The following TRIM10 variants were observed in gnomAD, a reference collection of about 807,000 sequenced individuals.
TRIM10 encodes the protein tripartite motif-containing protein 10.
TRIM10 carries 42 observed loss-of-function variants against 40.0 expected under a neutral mutation model. The observed-to-expected ratio is 1.05, with a 90% CI of 0.82 to 1.36. The LOEUF (loss-of-function observed/expected upper bound fraction) is 1.36. TRIM10 is among the 40% of genes most tolerant of loss of function. The probability of loss-of-function intolerance (pLI) is 0.00; values close to 1 mark genes in which losing one functional copy is unlikely to be tolerated. For synonymous variants in TRIM10, 260 were observed against 239.5 expected, an observed-to-expected ratio of 1.09 and a Z score of -0.79; for missense variants, 601 against 608.3, an observed-to-expected ratio of 0.99 and a Z score of 0.13.
upstream of TRIM10, chr6:30,163,910 G>C: frequency 6.2e-7 from 1 of 1,613,098 alleles, no homozygotes. Flanking sequence ...TGTGCCCCTG[G>C]GCCCGCTGGG....
At chr6:30,159,313 C>T in intron 1 of TRIM10, 68 bp from the exon 2 acceptor site, 4 of 1,118,754 alleles carry the variant, frequency 3.6e-6, no homozygotes, top group Non-Finnish European at 5.4e-6. Context: ...GGTCATCTGA[C>T]CCTCTGCCTC....
Position 30,156,921 on chromosome 6 carries a change from G to T in TRIM10, c.895+18C>A. ...TTCATGGCCACCTGCGCTCTGTGGA[G>T]GCCTGGGGTTCTCTTACCCAGAAAC... On this transcript the variant is annotated intron_variant, in intron 5 of 6. Coordinates refer to ENST00000449742, the MANE Select transcript of TRIM10 (RefSeq NM_006778.4). 6.2e-7 allele frequency: 1 copy of T among 1,609,616 alleles called. No homozygotes were observed. Among genetic ancestry groups the T allele is most frequent in the Non-Finnish European group, 8.5e-7 (1 of 1,176,974 alleles).
At chr6:30,160,059 C>T (rs192631351) in intron 1 of TRIM10, among the ~76,000 whole-genome samples, 87 of 152,322 alleles carry the variant, frequency 5.7e-4, no homozygotes, top group African/African-American at 2.0e-3. Flanking sequence ...CCCATCCAAA[C>T]ACACCAGACA....
rs1234694045 is a variant in TRIM10 at position 30,159,253 on chromosome 6, G to A, written c.430-8C>T. The A allele has an allele frequency of 6.4e-7, 1 of 1,558,778 alleles. No homozygotes were observed. The highest frequency in any genetic ancestry group is 1.4e-5 in the African/African-American group (1 of 73,764). On this transcript the variant is annotated splice_region_variant and splice_polypyrimidine_tract_variant and intron_variant, in intron 1 of 6. Coordinates refer to ENST00000449742, the MANE Select transcript of TRIM10 (RefSeq NM_006778.4). ...ACACTTATGGATTTGTTCCTGGGGAGAAGGAACATAAAATACTCAAGATGG... is the reference window on the plus strand; with the variant it reads ...ACACTTATGGATTTGTTCCTGGGGAAAAGGAACATAAAATACTCAAGATGG...
intron 1 of TRIM10, among the ~76,000 whole-genome samples, chr6:30,159,511 T>C (rs114888523): frequency 0.027 from 4,114 of 152,306 alleles, 94 homozygotes; most frequent in Middle Eastern, 0.051. Context: ...ACTTGAGTCT[T>C]TCTTCAGGTT....
upstream of TRIM10, chr6:30,163,978 C>G: frequency 6.2e-7 from 1 of 1,613,136 alleles, no homozygotes; most frequent in Non-Finnish European, 8.5e-7. Flanking sequence ...AGAACGATGC[C>G]GAGTTCCTCT....
At chr6:30,156,525 G>C (rs1366053277) in intron 5 of TRIM10, among the ~76,000 whole-genome samples, 2 of 152,152 alleles carry the variant, frequency 1.3e-5, no homozygotes, top group Non-Finnish European at 2.9e-5. Context: ...GGAGGGACGA[G>C]CCAGATACCA....
Position 30,153,345 on chromosome 6 carries a change from C to G in TRIM10, c.*624G>C, listed in dbSNP as rs1193543076. 7.5e-6 allele frequency: 2 copies of G among 265,136 alleles called. No individual in the cohort carries two copies. Among genetic ancestry groups the G allele is most frequent in the African/African-American group, 4.4e-5 (2 of 45,718 alleles). The allele number at this position is 265,136 out of a possible 1,614,324, so 16.4% of individuals were successfully genotyped here. A position where few individuals can be genotyped will look rare whatever the true frequency, so the allele number is the denominator to read the frequency against. ...CCTCTCCTTCCAGGCTGGGCTATGC[C>G]CCTTCCCCTGAACTCCCATAATGCT... On this transcript the variant is annotated 3_prime_UTR_variant, in exon 7 of 7. Transcript: ENST00000449742.
chr6:30,163,371 G>A, upstream of TRIM10: 2 of 476,332 alleles, frequency 4.2e-6, no homozygotes, highest in East Asian at 7.3e-5. Context: ...TCCACCCTAG[G>A]GACCAGAAGG....
At chr6:30,163,250 CCCACCT>C, upstream of TRIM10, 1 of 184,986 alleles carries the variant, frequency 5.4e-6, no homozygotes. Flanking sequence ...GTTTATGGCT[CCCACCT>C]GCTCAATCTG....
upstream of TRIM10, chr6:30,163,491 A>C: frequency 1.4e-6 from 1 of 717,370 alleles, no homozygotes; most frequent in Non-Finnish European, 2.2e-6. Context: ...CCAGGGTTCT[A>C]GGGAACACAA....
upstream of TRIM10, chr6:30,163,794 G>C: frequency 1.9e-6 from 3 of 1,612,938 alleles, no homozygotes; most frequent in Non-Finnish European, 2.5e-6. Flanking sequence ...ACCTTCTGCC[G>C]GCTCTGCCTC....
chr6:30,162,673 G>A (rs1773214757), upstream of TRIM10, among the ~76,000 whole-genome samples: 2 of 152,230 alleles, frequency 1.3e-5, no homozygotes, highest in Admixed American at 1.3e-4. Flanking sequence ...GACTGGGATC[G>A]TCCTTAACGT....
Position 30,159,200 on chromosome 6 carries a change from CCT to C in TRIM10, c.473_474del (p.Glu158GlyfsTer11), listed in dbSNP as rs747466392. The C allele has an allele frequency of 2.1e-5, 34 of 1,612,084 alleles. No individual in the cohort carries two copies. The highest frequency in any genetic ancestry group is 1.1e-4 in the East Asian group (5 of 44,890). ...KCLKCLRKER[E>X]EIQEIQSREN... is the part of the protein sequence containing the mutation. ...TCTCTTGACTGGATTTCTTGAATCT[CCT>C]CTCTCTCTTTTCTTAGACATTTAAG... is the stretch of plus-strand genomic sequence containing the variant. On this transcript the variant is annotated frameshift_variant, in exon 2 of 7. Transcript: ENST00000449742. LOFTEE classifies it high-confidence loss of function.
At chr6:30,157,989 C>T (rs115050355) in intron 3 of TRIM10, among the ~76,000 whole-genome samples, 4,128 of 152,196 alleles carry the variant, frequency 0.027, 97 homozygotes, top group Middle Eastern at 0.051. Flanking sequence ...GACCCCAATA[C>T]CTCTCCTCCA....
chr6:30,160,746 G>A lies in TRIM10; in HGVS notation c.113C>T (p.Ala38Val). The A allele has an allele frequency of 6.2e-7, 1 of 1,614,194 alleles. No individual in the cohort carries two copies. Among genetic ancestry groups the A allele is most frequent in the Non-Finnish European group, 8.5e-7 (1 of 1,180,034 alleles). Reference protein sequence around the residue: ...TIDCGHNFCRACLTRYCEIPG... With the variant: ...TIDCGHNFCRVCLTRYCEIPG... ...TATCTCACAGTAGCGGGTAAGGCAG[G>A]CCCGGCAGAAGTTGTGGCCGCAGTC... The change falls in exon 1 of 7, where the codon GCC becomes GTC. Residue 38 changes from alanine to valine, a missense_variant. By Grantham distance (64) the Ala-to-Val change is moderately conservative. Coordinates refer to ENST00000449742, the MANE Select transcript of TRIM10 (RefSeq NM_006778.4).
At chr6:30,158,144 C>T (rs1316520815) in intron 3 of TRIM10, among the ~76,000 whole-genome samples, 3 of 152,324 alleles carry the variant, frequency 2.0e-5, no homozygotes, top group East Asian at 1.9e-4. Flanking sequence ...CTCACAAAAG[C>T]CCTGTGAAAT....
chr6:30,158,172 T>C (rs1238304410), intron 3 of TRIM10, among the ~76,000 whole-genome samples: 1 of 152,218 alleles, frequency 6.6e-6, no homozygotes, highest in African/African-American at 2.4e-5. Flanking sequence ...GAAAGTATCT[T>C]CCCTATTTGG....
Position 30,158,327 on chromosome 6 carries a change from G to A in TRIM10, c.756+72C>T, listed in dbSNP as rs561424359. On this transcript the variant is annotated intron_variant, in intron 3 of 6. Coordinates refer to ENST00000449742, the MANE Select transcript of TRIM10 (RefSeq NM_006778.4). ...AGAGATGTGTGAGTCAGGGAGACAT[G>A]GCTTAGGCAAGACAAAGATGCAAGA... The A allele has an allele frequency of 1.3e-4, 175 of 1,321,568 alleles. 1 individual carries two copies. The African/African-American group carries it at 2.2e-3, about 16-fold the overall frequency. 81.9% of individuals were successfully genotyped at this position (1,321,568 alleles called of 1,614,324 possible).
Sources: allele counts gnomAD v4.1 joint callset (sites outside exome capture counted in the v4.1 genomes callset), GRCh38; gene constraint gnomAD v4.1.1; transcripts MANE v1.5; gene names NCBI Gene and HGNC (gene_info 2026-07-23, HGNC 2026-07-21).